PRKCE: variants seen among roughly 807,000 people sequenced by gnomAD.
PRKCE encodes the protein protein kinase C epsilon type.
A neutral mutation model predicts 85.4 loss-of-function variants in PRKCE; 16 were observed. The ratio of observed to expected loss-of-function variants is 0.19; its 90% CI spans 0.13 to 0.28. The LOEUF is 0.28. PRKCE is among the 10% of genes least tolerant of loss of function. PRKCE has a pLI of 1.00. For synonymous variants in PRKCE, 388 were observed against 371.5 expected, an observed-to-expected ratio of 1.04 and a Z score of -0.51; for missense variants, 573 against 975.2, an observed-to-expected ratio of 0.59 and a Z score of 5.49.
intron 14 of PRKCE, among the ~76,000 whole-genome samples, chr2:46,176,982 A>G (rs781518333): frequency 8.5e-5 from 13 of 152,252 alleles, no homozygotes; most frequent in Non-Finnish European, 1.6e-4. Context: ...AAAGCTAGGT[A>G]TGTCTGTTAT....
At chr2:46,064,561 C>G (rs922809891) in intron 10 of PRKCE, among the ~76,000 whole-genome samples, 1 of 152,098 alleles carries the variant, frequency 6.6e-6, no homozygotes, top group African/African-American at 2.4e-5. Flanking sequence ...GCAGCTTGCA[C>G]CAGAAGCAGA....
At chr2:45,780,895 A>T (rs189202022) in intron 1 of PRKCE, among the ~76,000 whole-genome samples, 1 of 152,342 alleles carries the variant, frequency 6.6e-6, no homozygotes, top group African/African-American at 2.4e-5. Flanking sequence ...TCCCGTTGAC[A>T]CTGCTGAGCC....
At chr2:45,817,236 G>A (rs941402742) in intron 1 of PRKCE, among the ~76,000 whole-genome samples, 4 of 152,060 alleles carry the variant, frequency 2.6e-5, no homozygotes, top group Admixed American at 2.6e-4. Flanking sequence ...CAGTTGATGT[G>A]TAATCAGGCT....
chr2:45,834,592 A>ATGTG (rs35972016), intron 1 of PRKCE, among the ~76,000 whole-genome samples: 9,136 of 149,274 alleles, frequency 0.061, 511 homozygotes, highest in African/African-American at 0.15. Context: ...GCATGTGTGT[A>ATGTG]TGTGTGTGTG....
At chr2:45,927,452 A>G (rs1266002718) in intron 2 of PRKCE, among the ~76,000 whole-genome samples, 1 of 152,190 alleles carries the variant, frequency 6.6e-6, no homozygotes, top group Non-Finnish European at 1.5e-5. Flanking sequence ...TGATGTATAA[A>G]CAGAAGAGGT....
At chr2:45,817,097 G>GTGTGT (rs1267426655) in intron 1 of PRKCE, among the ~76,000 whole-genome samples, 1 of 151,410 alleles carries the variant, frequency 6.6e-6, no homozygotes, top group Admixed American at 6.6e-5. Context: ...GTGTGTGTGT[G>GTGTGT]TGTGTGTGTG....
At chr2:46,182,911 C>G (rs1472441252) in intron 14 of PRKCE, among the ~76,000 whole-genome samples, 1 of 152,136 alleles carries the variant, frequency 6.6e-6, no homozygotes, top group Non-Finnish European at 1.5e-5. Context: ...GTCCAGATTT[C>G]CAGACCTTAC....
At chr2:46,054,253 A>G (rs1212975067) in intron 10 of PRKCE, among the ~76,000 whole-genome samples, 2 of 152,220 alleles carry the variant, frequency 1.3e-5, no homozygotes, top group Non-Finnish European at 2.9e-5. Context: ...TGTCACTTGC[A>G]GCTAGTGAGA....
chr2:45,739,505 G>A (rs114090732), intron 1 of PRKCE, among the ~76,000 whole-genome samples: 297 of 152,226 alleles, frequency 2.0e-3, no homozygotes, highest in African/African-American at 6.9e-3. Context: ...CTCATCTAAT[G>A]TCCAGTCTCT....
chr2:45,734,377 A>G (rs1681861438), intron 1 of PRKCE, among the ~76,000 whole-genome samples: 3 of 152,144 alleles, frequency 2.0e-5, no homozygotes, highest in South Asian at 4.1e-4. Context: ...AAAAAAAAAA[A>G]AAAATTAAAC....
chr2:45,810,081 C>G (rs1688547909), intron 1 of PRKCE, among the ~76,000 whole-genome samples: 1 of 151,886 alleles, frequency 6.6e-6, no homozygotes, highest in Admixed American at 6.6e-5. Context: ...GCTCTTGTCC[C>G]CCAGGCTGGA....
At chr2:46,103,627 A>G (rs1289639217) in intron 11 of PRKCE, among the ~76,000 whole-genome samples, 1 of 152,184 alleles carries the variant, frequency 6.6e-6, no homozygotes, top group African/African-American at 2.4e-5. Context: ...AAACTTAACT[A>G]CTGATGCCCT....
chr2:45,685,583 A>G (rs1227903858), intron 1 of PRKCE: 1 of 152,068 alleles, frequency 6.6e-6, no homozygotes, highest in Non-Finnish European at 1.5e-5. Flanking sequence ...TGAGGTCAGC[A>G]GTTTGAGACA....
At chr2:46,089,338 C>T (rs141931935) in intron 11 of PRKCE, among the ~76,000 whole-genome samples, 8 of 152,292 alleles carry the variant, frequency 5.3e-5, no homozygotes, top group Admixed American at 2.0e-4. Context: ...AGATCTCTTC[C>T]GTTAAACCTC....
chr2:45,966,606 T>G (rs543497319), intron 2 of PRKCE, among the ~76,000 whole-genome samples: 10 of 152,306 alleles, frequency 6.6e-5, no homozygotes, highest in African/African-American at 2.4e-4. Flanking sequence ...AAGATAAGCC[T>G]CCTGATGAGC....
At chr2:45,915,289 A>G (rs1228179029) in intron 2 of PRKCE, among the ~76,000 whole-genome samples, 1 of 152,208 alleles carries the variant, frequency 6.6e-6, no homozygotes, top group South Asian at 2.1e-4. Flanking sequence ...TTTCAGCCCA[A>G]TGAGTCTCTA....
chr2:46,146,004 T>A (rs1676036503), intron 12 of PRKCE, among the ~76,000 whole-genome samples: 1 of 152,252 alleles, frequency 6.6e-6, no homozygotes, highest in Admixed American at 6.5e-5. Context: ...GGCAGTTCTA[T>A]GCTGTGAGTA....
intron 1 of PRKCE, among the ~76,000 whole-genome samples, chr2:45,696,464 G>T (rs911567520): frequency 3.9e-5 from 6 of 152,056 alleles, no homozygotes; most frequent in African/African-American, 1.5e-4. Context: ...CTCCTGGCCT[G>T]CTCACTTCGA....
intron 2 of PRKCE, among the ~76,000 whole-genome samples, chr2:45,964,911 A>C (rs931066455): frequency 6.6e-6 from 1 of 152,146 alleles, no homozygotes; most frequent in African/African-American, 2.4e-5. Flanking sequence ...TTTTGTTTTC[A>C]TACCTGGACA....
Sources: gnomAD v4.1 joint callset for allele counts (sites outside exome capture counted in the v4.1 genomes callset) on GRCh38, gnomAD v4.1.1 for gene constraint, MANE v1.5 for transcripts, NCBI Gene and HGNC (gene_info 2026-07-23, HGNC 2026-07-21) for gene names.